Variants in FNDC3B observed in about 807,000 individuals in gnomAD.
The protein encoded by FNDC3B is fibronectin type III domain containing 3B.
A neutral mutation model predicts 151.5 loss-of-function variants in FNDC3B; 12 were observed. The observed-to-expected ratio is 0.08, with a 90% CI of 0.05 to 0.13. The LOEUF (loss-of-function observed/expected upper bound fraction) is 0.13. FNDC3B is among the 10% of genes least tolerant of loss of function. The pLI is 1.00. For synonymous variants in FNDC3B, 528 were observed against 549.0 expected, an observed-to-expected ratio of 0.96 and a Z score of 0.54; for missense variants, 1,214 against 1,505.3, an observed-to-expected ratio of 0.81 and a Z score of 3.20.
rs1553770635 is a variant in FNDC3B, at chr3:172,187,995, A to AAAT, written c.188-38876_188-38875insAAT. Reference sequence around the variant, plus strand: ...TTAAATTCCATTTTTATATTTAAGCAGTTTTTTTTTTTTTTTTGAGACGGA... The same window carrying AAAT: ...TTAAATTCCATTTTTATATTTAAGCAAATGTTTTTTTTTTTTTTTTGAGACGGA... On this transcript the variant is annotated intron_variant, in intron 3 of 25. Coordinates refer to ENST00000415807, the MANE Select transcript of FNDC3B (RefSeq NM_022763.4). Among the ~76,000 whole-genome samples the AAAT allele has an allele frequency of 4.3e-4, 3 of 7,016 alleles. 1 individual carries two copies. The highest frequency in any genetic ancestry group is 1.7e-3 in the East Asian group (1 of 598). 4.6% of individuals were successfully genotyped at this position (7,016 alleles called of 152,430 possible).
chr3:172,075,627 T>C (rs1420545934), intron 1 of FNDC3B, among the ~76,000 whole-genome samples: 1 of 152,024 alleles, frequency 6.6e-6, no homozygotes, highest in African/African-American at 2.4e-5. Context: ...TGAGCCTAAA[T>C]TGGCATGGTC....
At chr3:172,054,004 G>A (rs1012962642) in intron 1 of FNDC3B, among the ~76,000 whole-genome samples, 2 of 152,004 alleles carry the variant, frequency 1.3e-5, no homozygotes, top group Non-Finnish European at 2.9e-5. Flanking sequence ...TACCTTATTC[G>A]GACACTTTAA....
At chr3:172,194,244 G>T (rs933533179) in intron 3 of FNDC3B, among the ~76,000 whole-genome samples, 1 of 151,994 alleles carries the variant, frequency 6.6e-6, no homozygotes, top group Admixed American at 6.6e-5. Flanking sequence ...AATTATCTTA[G>T]TGGTTATACT....
At chr3:172,217,644 G>A (rs924901543) in intron 3 of FNDC3B, among the ~76,000 whole-genome samples, 5 of 67,492 alleles carry the variant, frequency 7.4e-5, no homozygotes, top group Non-Finnish European at 2.2e-4. Flanking sequence ...TAAGTGTATA[G>A]GGTTTTTTTT....
chr3:172,063,720 G>A (rs1717342443), intron 1 of FNDC3B, among the ~76,000 whole-genome samples: 1 of 152,182 alleles, frequency 6.6e-6, no homozygotes, highest in Non-Finnish European at 1.5e-5. Flanking sequence ...TCTAACAGAG[G>A]AGCTGGGTAA....
At chr3:172,216,224 T>C (rs1329276090) in intron 3 of FNDC3B, among the ~76,000 whole-genome samples, 1 of 152,206 alleles carries the variant, frequency 6.6e-6, no homozygotes, top group Non-Finnish European at 1.5e-5. Context: ...CTCAGTATTA[T>C]TGAGTTGCAT....
At chr3:172,102,645 A>T (rs534601708) in intron 1 of FNDC3B, among the ~76,000 whole-genome samples, 2 of 152,310 alleles carry the variant, frequency 1.3e-5, no homozygotes, top group East Asian at 3.9e-4. Flanking sequence ...AAGCAGTGGG[A>T]CCTGTCAAAG....
chr3:172,139,156 C>A (rs1252385001), intron 3 of FNDC3B, among the ~76,000 whole-genome samples: 1 of 151,760 alleles, frequency 6.6e-6, no homozygotes, highest in Non-Finnish European at 1.5e-5. Flanking sequence ...TTATGTGATA[C>A]TTTTGGGACC....
At chr3:172,068,423 C>T (rs1014342394) in intron 1 of FNDC3B, among the ~76,000 whole-genome samples, 4 of 122,608 alleles carry the variant, frequency 3.3e-5, no homozygotes, top group East Asian at 2.4e-4. Flanking sequence ...TGTGAGGAGC[C>T]TTTTTTTTTT....
intron 4 of FNDC3B, among the ~76,000 whole-genome samples, chr3:172,239,163 G>A (rs1403343753): frequency 6.6e-6 from 1 of 152,090 alleles, no homozygotes; most frequent in African/African-American, 2.4e-5. Context: ...GCAGCTGGGT[G>A]GGAGAGACAG....
chr3:172,173,307 G>A (rs1723373112), intron 3 of FNDC3B, among the ~76,000 whole-genome samples: 1 of 151,936 alleles, frequency 6.6e-6, no homozygotes, highest in Admixed American at 6.6e-5. Context: ...CTTTTATCGT[G>A]GGGGTCCTAA....
intron 3 of FNDC3B, among the ~76,000 whole-genome samples, chr3:172,173,959 T>C (rs1034403892): frequency 6.6e-6 from 1 of 152,166 alleles, no homozygotes; most frequent in Admixed American, 6.5e-5. Context: ...GTTTTAAGAA[T>C]GTGTTATTTA....
chr3:172,178,272 T>C (rs544612247), intron 3 of FNDC3B, among the ~76,000 whole-genome samples: 1 of 152,176 alleles, frequency 6.6e-6, no homozygotes, highest in South Asian at 2.1e-4. Context: ...TCACTCCAGC[T>C]GTGGGCTAAA....
intron 1 of FNDC3B, among the ~76,000 whole-genome samples, chr3:172,065,489 C>G (rs368690100): frequency 2.0e-5 from 3 of 152,120 alleles, no homozygotes; most frequent in African/African-American, 7.2e-5. Context: ...GGATCACACC[C>G]GAAGAAATGC....
At chr3:172,049,511 A>G (rs531830908) in intron 1 of FNDC3B, among the ~76,000 whole-genome samples, 1 of 152,256 alleles carries the variant, frequency 6.6e-6, no homozygotes, top group Non-Finnish European at 1.5e-5. Flanking sequence ...CACATTTTCT[A>G]ACCTTTAAAC....
chr3:172,045,792 CTCTA>C (rs980099720), intron 1 of FNDC3B, among the ~76,000 whole-genome samples: 44 of 136,764 alleles, frequency 3.2e-4, no homozygotes, highest in East Asian at 1.8e-3. Flanking sequence ...CTCTCTCTCT[CTCTA>C]TATATATATA....
At chr3:172,248,743 A>G (rs1459378357) in intron 5 of FNDC3B, among the ~76,000 whole-genome samples, 1 of 148,684 alleles carries the variant, frequency 6.7e-6, no homozygotes, top group African/African-American at 2.4e-5. Flanking sequence ...ATTTTTATAT[A>G]TATAATTATT....
At chr3:172,223,251 T>C (rs964822759) in intron 3 of FNDC3B, among the ~76,000 whole-genome samples, 3 of 152,204 alleles carry the variant, frequency 2.0e-5, no homozygotes, top group Non-Finnish European at 4.4e-5. Context: ...CTATGGTGAA[T>C]GAGATTTTAT....
At chr3:172,160,068 C>CT (rs1009208057) in intron 3 of FNDC3B, among the ~76,000 whole-genome samples, 13 of 152,224 alleles carry the variant, frequency 8.5e-5, no homozygotes, top group African/African-American at 3.1e-4. Flanking sequence ...AGTGGATACT[C>CT]TGTCAGCCTT....
Sources: allele counts gnomAD v4.1 joint callset (sites outside exome capture counted in the v4.1 genomes callset), GRCh38; gene constraint gnomAD v4.1.1; transcripts MANE v1.5; gene names NCBI Gene and HGNC (gene_info 2026-07-23, HGNC 2026-07-21).